Variants in TLE4 observed in about 807,000 individuals in gnomAD.
TLE4 encodes transducin-like enhancer protein 4.
A neutral mutation model predicts 92.8 loss-of-function variants in TLE4; 8 were observed. The observed-to-expected ratio is 0.09, with a 90% confidence interval of 0.05 to 0.16. The LOEUF (loss-of-function observed/expected upper bound fraction) is 0.16, where lower values mean the gene tolerates loss of function less well. Ranked by LOEUF, TLE4 falls within the 10% of genes least tolerant of loss-of-function variation. The pLI, the probability that TLE4 is intolerant of heterozygous loss-of-function variation, is 1.00. For missense variants in TLE4, 675 were observed against 997.6 expected (o/e 0.68, Z 4.36); for synonymous variants, 371 against 374.1 (o/e 0.99, Z 0.10).
chr9:79,667,291 G>T lies in TLE4; in HGVS notation c.609+13216G>T, dbSNP rs575843238. Among the ~76,000 whole-genome samples the T allele has an allele frequency of 1.7e-4, 26 of 152,296 alleles. No individual in the cohort carries two copies. The East Asian group carries it at 4.8e-3, about 28-fold the overall frequency. ...GGGCATGCCCCCTTGGTCTTACAGG[G>T]TGTTGCTCAGCCAACTGAGGGCCAG... On this transcript the variant is annotated intron_variant, in intron 8 of 19. Coordinates refer to ENST00000376552, the MANE Select transcript of TLE4 (RefSeq NM_007005.6).
chr9:79,668,895 C>G, intron 8 of TLE4: 1 of 909,314 alleles, frequency 1.1e-6, no homozygotes, highest in African/African-American at 1.8e-5. Context: ...AACAATGTAG[C>G]TGCAGATGAT....
At chr9:79,641,140 ATCTT>A (rs1301291761) in intron 6 of TLE4, among the ~76,000 whole-genome samples, 1 of 149,866 alleles carries the variant, frequency 6.7e-6, no homozygotes, top group East Asian at 1.9e-4. Context: ...AACAGGAAGA[ATCTT>A]TTTTTTTTTT....
chr9:79,648,015 C>T (rs1250167495), intron 6 of TLE4, among the ~76,000 whole-genome samples: 2 of 151,848 alleles, frequency 1.3e-5, no homozygotes. Context: ...AAGCTGAGCC[C>T]TAGGAGTTTA....
At chr9:79,687,127 C>T (rs892857381) in intron 8 of TLE4, among the ~76,000 whole-genome samples, 1 of 152,140 alleles carries the variant, frequency 6.6e-6, no homozygotes, top group Non-Finnish European at 1.5e-5. Context: ...ACAGTATTGC[C>T]TCAGTTTGCG....
rs547509301 is a variant in TLE4, at chr9:79,636,935, A to G, written c.390+9487A>G. Among the ~76,000 whole-genome samples the G allele has an allele frequency of 5.3e-5, 8 of 152,254 alleles. No individual in the cohort carries two copies. The South Asian group carries it at 1.0e-3, about 20-fold the overall frequency. ...TTTGTTAAATACTATGCTCTGGGAT[A>G]TTTTCTCATTTGGATATTCTCCGTA... On this transcript the variant is annotated intron_variant, in intron 6 of 19. Coordinates refer to ENST00000376552, the MANE Select transcript of TLE4 (RefSeq NM_007005.6).
chr9:79,680,887 T>C (rs964881225), intron 8 of TLE4, among the ~76,000 whole-genome samples: 2 of 152,204 alleles, frequency 1.3e-5, no homozygotes, highest in Admixed American at 6.5e-5. Flanking sequence ...GAGATAATCA[T>C]GTGGTTTTTG....
chr9:79,696,568 A>G (rs1364249073), intron 8 of TLE4, among the ~76,000 whole-genome samples: 3 of 152,192 alleles, frequency 2.0e-5, no homozygotes, highest in Non-Finnish European at 4.4e-5. Context: ...TACAGAATAC[A>G]TAAGAATATA....
At chr9:79,723,698 C>T (rs2075999672) in intron 19 of TLE4, among the ~76,000 whole-genome samples, 1 of 151,996 alleles carries the variant, frequency 6.6e-6, no homozygotes, top group Non-Finnish European at 1.5e-5. Flanking sequence ...TTTTTACAAG[C>T]AATATAATAG....
Position 79,614,105 on chromosome 9 carries a change from C to T in TLE4, c.315+1387C>T, listed in dbSNP as rs558246514. Among the ~76,000 whole-genome samples, 4 of 152,226 alleles carry T rather than the reference C, an allele frequency of 2.6e-5. No homozygotes were observed. In the East Asian group the frequency reaches 7.7e-4, roughly 29 times the overall value. ...TGCATTTCTTTTGGAAACCTGACTG[C>T]CCCCTGCCTGATCCAGACTAGTGTG... On this transcript the variant is annotated intron_variant, in intron 5 of 19. Coordinates refer to ENST00000376552, the MANE Select transcript of TLE4 (RefSeq NM_007005.6).
At chr9:79,691,687 T>C (rs1319789188) in intron 8 of TLE4, among the ~76,000 whole-genome samples, 1 of 152,150 alleles carries the variant, frequency 6.6e-6, no homozygotes, top group East Asian at 1.9e-4. Flanking sequence ...GCATGTGTTA[T>C]TCCCTCTTTC....
At chr9:79,646,845 G>C (rs1186173340) in intron 6 of TLE4, among the ~76,000 whole-genome samples, 1 of 151,996 alleles carries the variant, frequency 6.6e-6, no homozygotes, top group African/African-American at 2.4e-5. Flanking sequence ...CCCTTCTACA[G>C]GATGCCTGAG....
At chr9:79,681,197 C>G (rs1014529554) in intron 8 of TLE4, among the ~76,000 whole-genome samples, 3 of 152,080 alleles carry the variant, frequency 2.0e-5, no homozygotes, top group Non-Finnish European at 4.4e-5. Flanking sequence ...TAGGAGTTCT[C>G]TAAGTCTGTG....
At chr9:79,687,805 C>T (rs2066204840) in intron 8 of TLE4, among the ~76,000 whole-genome samples, 3 of 152,192 alleles carry the variant, frequency 2.0e-5, no homozygotes, top group Admixed American at 6.5e-5. Flanking sequence ...TGTGACCTTG[C>T]ATGAGTTACT....
In TLE4 at chr9:79,612,677, A is replaced by G. The variant is rs752289438; in HGVS notation, c.274A>G (p.Asn92Asp). 2 of 1,613,174 alleles carry G rather than the reference A, an allele frequency of 1.2e-6. No homozygotes were observed. The highest frequency in any genetic ancestry group is 2.2e-5 in the South Asian group (2 of 91,066). ...GCAGGCAGAGATTGTCAAGAGGCTG[A>G]ATGCTATCTGTGCACAAGTCATTCC... ...HKQAEIVKRL[N>D]AICAQVIPFL... Residue 92 changes from asparagine to aspartate, a missense_variant, in exon 5 of 20, where the codon AAT becomes GAT. Around this residue, in one of 5 missense-constraint regions of TLE4, gnomAD observed 68 missense variants for 141.2 expected, o/e 0.48. Coordinates refer to ENST00000376552, the MANE Select transcript of TLE4 (RefSeq NM_007005.6).
At chr9:79,694,228 A>C (rs1338778533) in intron 8 of TLE4, among the ~76,000 whole-genome samples, 1 of 152,208 alleles carries the variant, frequency 6.6e-6, no homozygotes, top group Non-Finnish European at 1.5e-5. Context: ...CAATTGTCTG[A>C]AATGGCAAGT....
intron 6 of TLE4, among the ~76,000 whole-genome samples, chr9:79,632,667 A>C (rs2054618012): frequency 1.3e-5 from 2 of 152,208 alleles, no homozygotes; most frequent in African/African-American, 4.8e-5. Flanking sequence ...ATTTTTCAGT[A>C]AACTTACAGG....
intron 8 of TLE4, chr9:79,671,302 C>T (rs1232391110): frequency 4.4e-5 from 20 of 455,898 alleles, no homozygotes; most frequent in Non-Finnish European, 7.5e-5. Flanking sequence ...TTTTAAAAGA[C>T]ATTCACCTGC....
chr9:79,585,449 C>T (rs2040818459), intron 4 of TLE4, among the ~76,000 whole-genome samples: 1 of 152,200 alleles, frequency 6.6e-6, no homozygotes, highest in South Asian at 2.1e-4. Context: ...TACCTTCCCC[C>T]AAATGCTTGA....
intron 14 of TLE4, among the ~76,000 whole-genome samples, chr9:79,714,409 G>A (rs1248715325): frequency 2.0e-5 from 3 of 152,154 alleles, no homozygotes; most frequent in Admixed American, 2.0e-4. Context: ...TCCACCTACT[G>A]TGTAGTTATT....
Sources: gnomAD v4.1 joint callset for allele counts (sites outside exome capture counted in the v4.1 genomes callset) on GRCh38, gnomAD v4.1.1 for gene constraint, gnomAD v4.1.1 regional missense constraint, MANE v1.5 for transcripts, NCBI Gene and HGNC (gene_info 2026-07-23, HGNC 2026-07-21) for gene names.